Variants in ADGRG4 observed in about 807,000 individuals in gnomAD.
The protein encoded by ADGRG4 is G protein-coupled receptor 112.
In ADGRG4, 122 loss-of-function variants were observed where a neutral mutation model predicts 126.2. The ratio of observed to expected loss-of-function variants is 0.97; its 90% CI spans 0.83 to 1.12. ADGRG4 has a LOEUF of 1.12. ADGRG4 is among the 50% of genes most tolerant of loss of function. The probability of loss-of-function intolerance (pLI) is 0.00; values close to 1 mark genes in which losing one functional copy is unlikely to be tolerated. For missense variants in ADGRG4, 2,481 were observed against 2,251.8 expected (o/e 1.10, Z -2.06); for synonymous variants, 943 against 838.7 (o/e 1.12, Z -2.15).
intron 5 of ADGRG4, among the ~76,000 whole-genome samples, chrX:136,337,120 A>G (rs2074952593): frequency 9.0e-6 from 1 of 110,943 alleles, no homozygotes; most frequent in Non-Finnish European, 1.9e-5. Flanking sequence ...GTGCACCACC[A>G]CGCCCAGTTA....
At chrX:136,389,740 G>A (rs2075309792) in intron 16 of ADGRG4, among the ~76,000 whole-genome samples, 1 of 111,862 alleles carries the variant, frequency 8.9e-6, no homozygotes, top group African/African-American at 3.3e-5. Context: ...AATTCCTACT[G>A]TGTGTCTTGT....
Position 136,346,727 on chromosome X carries a change from C to T in ADGRG4, c.3021C>T (p.Thr1007=), listed in dbSNP as rs781665689. ...CTACAGCTGCTCATTCCTCAGCAAC[C>T]CCTGTGCCTGTTACTCATATGTTCT... The part of the protein sequence containing the change: ...PQPTAAHSSA[T]PVPVTHMFSL... The change falls in exon 6 of 26, where the codon ACC becomes ACT. Residue 1007 remains threonine (T), a synonymous_variant. Coordinates refer to ENST00000394143, the MANE Select transcript of ADGRG4 (RefSeq NM_153834.4). 18 of 1,208,381 alleles carry T rather than the reference C, an allele frequency of 1.5e-5. No individual in the cohort carries two copies. Among genetic ancestry groups the T allele is most frequent in the Middle Eastern group, 2.3e-4 (1 of 4,355 alleles).
At chrX:136,359,534 G>A (rs949559576) in intron 11 of ADGRG4, 79 bp downstream of exon 11, 1 of 778,304 alleles carries the variant, frequency 1.3e-6, no homozygotes, top group Non-Finnish European at 1.8e-6. Flanking sequence ...ACTTGGTTAA[G>A]GATTCTGAGT....
At chrX:136,336,000 C>A (rs1189916015) in intron 5 of ADGRG4, among the ~76,000 whole-genome samples, 1 of 110,654 alleles carries the variant, frequency 9.0e-6, no homozygotes, top group Admixed American at 9.6e-5. Context: ...GCATTTAGTG[C>A]TATAATCTTT....
At chrX:136,361,630 AG>A (rs774413357) in intron 12 of ADGRG4, 43 bp downstream of exon 12, 1 of 1,025,609 alleles carries the variant, frequency 9.8e-7, no homozygotes, top group Admixed American at 2.5e-5. Context: ...AGATATACAA[AG>A]ATCTACCTAA....
intron 15 of ADGRG4, among the ~76,000 whole-genome samples, chrX:136,385,772 G>A (rs1222255083): frequency 2.7e-5 from 3 of 111,973 alleles, no homozygotes; most frequent in African/African-American, 9.7e-5. Flanking sequence ...AACTTGGTTG[G>A]ACTATACTGT....
At chrX:136,408,742 G>A (rs2075429047) in intron 23 of ADGRG4, among the ~76,000 whole-genome samples, 1 of 111,768 alleles carries the variant, frequency 8.9e-6, no homozygotes, top group African/African-American at 3.3e-5. Context: ...CCAATAATGA[G>A]ATTGCTGAGT....
chrX:136,369,822 G>A (rs998136955), intron 13 of ADGRG4, among the ~76,000 whole-genome samples: 14 of 111,818 alleles, frequency 1.3e-4, no homozygotes, highest in African/African-American at 4.6e-4. Flanking sequence ...ATCTCCTCAG[G>A]GAGAACTCTG....
chrX:136,318,558 T>C (rs1026574527), intron 4 of ADGRG4, among the ~76,000 whole-genome samples: 1 of 112,059 alleles, frequency 8.9e-6, no homozygotes, highest in Non-Finnish European at 1.9e-5. Context: ...AATTTCCCAG[T>C]ACAAATAAAA....
chrX:136,318,112 T>C (rs916364272), intron 4 of ADGRG4, among the ~76,000 whole-genome samples: 5 of 112,546 alleles, frequency 4.4e-5, no homozygotes, highest in Non-Finnish European at 9.4e-5. Context: ...AGCAGCACTA[T>C]TCATAATAGC....
intron 12 of ADGRG4, 64 bp from the exon 13 acceptor site, chrX:136,363,413 C>G: frequency 1.3e-6 from 1 of 751,570 alleles, no homozygotes; most frequent in Non-Finnish European, 2.1e-6. Flanking sequence ...CTATATCCAC[C>G]ATTTGCTTTA....
intron 5 of ADGRG4, among the ~76,000 whole-genome samples, chrX:136,341,063 A>G (rs1005775404): frequency 8.9e-6 from 1 of 111,790 alleles, no homozygotes; most frequent in African/African-American, 3.2e-5. Flanking sequence ...CTGCTTGGCA[A>G]TTTAGCTCAA....
rs200117025 is a variant in ADGRG4, at chrX:136,347,119, C to A, written c.3413C>A (p.Pro1138Gln). Residue 1138 changes from proline (P) to glutamine (Q), a missense_variant, in exon 6 of 26, where the codon CCA (proline) becomes CAA (glutamine). Coordinates refer to ENST00000394143, the MANE Select transcript of ADGRG4 (RefSeq NM_153834.4). ...TCTACCTCAGTTGATACAGTAACCC[C>A]ATCTACACACACTCTTGTCTGCTCA... The part of the protein sequence containing the change: ...LFSTSVDTVT[P>Q]STHTLVCSKP... 27 of 1,206,962 alleles carry A rather than the reference C, an allele frequency of 2.2e-5. No homozygotes were observed. Among genetic ancestry groups the A allele is most frequent in the Non-Finnish European group, 2.9e-5 (26 of 893,464 alleles).
At chrX:136,367,364 A>T (rs770116525) in intron 13 of ADGRG4, among the ~76,000 whole-genome samples, 1 of 112,590 alleles carries the variant, frequency 8.9e-6, no homozygotes, top group African/African-American at 3.2e-5. Context: ...GGCAATAGGA[A>T]ATGTTACAGC....
At chrX:136,364,355 C>T (rs1355903344) in intron 13 of ADGRG4, among the ~76,000 whole-genome samples, 1 of 111,384 alleles carries the variant, frequency 9.0e-6, no homozygotes, top group African/African-American at 3.3e-5. Flanking sequence ...CTTGCCCTCA[C>T]TTTTTGTACA....
intron 23 of ADGRG4, 124 bp downstream of exon 23, chrX:136,406,096 C>T (rs1311622060): frequency 2.8e-6 from 2 of 722,503 alleles, no homozygotes; most frequent in Non-Finnish European, 4.0e-6. Flanking sequence ...AATGCACCCA[C>T]AGCCCACTCT....
At chrX:136,374,003 C>T (rs188845076) in intron 15 of ADGRG4, among the ~76,000 whole-genome samples, 128 of 111,528 alleles carry the variant, frequency 1.1e-3, no homozygotes, top group African/African-American at 3.6e-3. Flanking sequence ...CCTCTGAAAG[C>T]CCCCTTGTGC....
In ADGRG4 at chrX:136,347,431, C is replaced by T; in HGVS notation, c.3725C>T (p.Pro1242Leu). The change falls in exon 6 of 26, where the codon CCA (proline) becomes CTA (leucine). Residue 1242 changes from proline to leucine, a missense_variant. Coordinates refer to ENST00000394143, the MANE Select transcript of ADGRG4 (RefSeq NM_153834.4). ...TCTGCCACATATCGTGTACACACAC[C>T]AGTGTCCATCCAGTTGGTGACTAGC... ...SSSATYRVHT[P>L]VSIQLVTSTS... 8.3e-6 allele frequency: 10 copies of T among 1,209,000 alleles called. No individual in the cohort carries two copies. The highest frequency in any genetic ancestry group is 1.8e-5 in the South Asian group (1 of 56,911).
intron 15 of ADGRG4, among the ~76,000 whole-genome samples, chrX:136,383,487 A>G (rs931106411): frequency 4.5e-5 from 5 of 111,892 alleles, no homozygotes; most frequent in Non-Finnish European, 9.4e-5. Flanking sequence ...TGGTTACTCT[A>G]AAAGGTATGT....
Sources: allele counts gnomAD v4.1 joint callset (sites outside exome capture counted in the v4.1 genomes callset), GRCh38; gene constraint gnomAD v4.1.1; transcripts MANE v1.5; gene names NCBI Gene and HGNC (gene_info 2026-07-23, HGNC 2026-07-21).